GALNT17: variants seen among roughly 807,000 people sequenced by gnomAD.
The protein encoded by GALNT17 is UDP-GalNAc:polypeptide N-acetylgalactosaminyltransferase-like 3.
Under a neutral mutation model 63.7 loss-of-function variants are expected in GALNT17, and 29 were observed. The observed-to-expected ratio is 0.46, with a 90% confidence interval of 0.34 to 0.62. The LOEUF (loss-of-function observed/expected upper bound fraction) is 0.62, where lower values mean the gene tolerates loss of function less well. GALNT17 is among the 20% of genes least tolerant of loss of function. GALNT17 has a pLI of 0.01. For synonymous variants in GALNT17, 305 were observed against 318.3 expected (o/e 0.96, Z 0.45); for missense variants, 603 against 799.6 (o/e 0.75, Z 2.97).
At chr7:71,323,951 T>C (rs533084868) in intron 1 of GALNT17, among the ~76,000 whole-genome samples, 1 of 152,290 alleles carries the variant, frequency 6.6e-6, no homozygotes, top group Admixed American at 6.5e-5. Flanking sequence ...TTCACCAGCC[T>C]CTGACTTTCT....
chr7:71,689,863 G>A (rs1791415163), intron 9 of GALNT17, among the ~76,000 whole-genome samples: 1 of 152,172 alleles, frequency 6.6e-6, no homozygotes, highest in Non-Finnish European at 1.5e-5. Flanking sequence ...GGCGAATGCA[G>A]CTGGTGACTT....
chr7:71,669,946 A>G (rs757210949), intron 7 of GALNT17, 26 bp from the exon 8 acceptor site: 2 of 1,613,328 alleles, frequency 1.2e-6, no homozygotes, highest in Admixed American at 1.7e-5. Context: ...AGTCACTAAC[A>G]CCCCTTGGCT....
intron 9 of GALNT17, among the ~76,000 whole-genome samples, chr7:71,709,389 G>T (rs193094732): frequency 2.6e-5 from 4 of 151,982 alleles, no homozygotes; most frequent in African/African-American, 9.7e-5. Context: ...TGTCCTTTGC[G>T]CATAAAAGTG....
intron 1 of GALNT17, among the ~76,000 whole-genome samples, chr7:71,262,670 T>C (rs1790406785): frequency 6.6e-6 from 1 of 150,866 alleles, no homozygotes; most frequent in Admixed American, 6.6e-5. Context: ...TGTCCTTTTT[T>C]TTTACTTTCT....
At chr7:71,519,283 A>G (rs1267951199) in intron 5 of GALNT17, among the ~76,000 whole-genome samples, 1 of 152,242 alleles carries the variant, frequency 6.6e-6, no homozygotes, top group Non-Finnish European at 1.5e-5. Flanking sequence ...GGAAGTCAGC[A>G]GCAGTATTCA....
chr7:71,231,749 G>GGA (rs371282510), intron 1 of GALNT17, among the ~76,000 whole-genome samples: 3 of 145,564 alleles, frequency 2.1e-5, no homozygotes, highest in Non-Finnish European at 4.5e-5. Flanking sequence ...GGAGGGAGAG[G>GGA]GAGAGAGAGA....
chr7:71,593,896 A>G (rs967189262), intron 6 of GALNT17, among the ~76,000 whole-genome samples: 1 of 152,152 alleles, frequency 6.6e-6, no homozygotes, highest in Non-Finnish European at 1.5e-5. Flanking sequence ...TTCTTTTTCT[A>G]AACTTTCTGG....
At chr7:71,482,081 A>ATGTGTGTGTGTGTGTGTGTGTG (rs10678512) in intron 5 of GALNT17, among the ~76,000 whole-genome samples, 3,755 of 138,012 alleles carry the variant, frequency 0.027, 82 homozygotes, top group East Asian at 0.093. Flanking sequence ...ATATATGTAT[A>ATGTGTGTGTGTGTGTGTGTGTG]TGTGTGTGTG....
At chr7:71,567,112 A>C (rs756428378) in intron 5 of GALNT17, among the ~76,000 whole-genome samples, 1 of 152,280 alleles carries the variant, frequency 6.6e-6, no homozygotes, top group Non-Finnish European at 1.5e-5. Flanking sequence ...GCTTGGGATC[A>C]GTGCTCATTT....
chr7:71,329,522 G>C (rs892924447), intron 1 of GALNT17, among the ~76,000 whole-genome samples: 1 of 152,036 alleles, frequency 6.6e-6, no homozygotes, highest in Admixed American at 6.6e-5. Context: ...TGTAATTTAT[G>C]ACGAAAAGAG....
intron 5 of GALNT17, among the ~76,000 whole-genome samples, chr7:71,486,587 T>G (rs903671187): frequency 2.6e-5 from 4 of 151,258 alleles, no homozygotes; most frequent in African/African-American, 9.7e-5. Flanking sequence ...ACCAAGGTAC[T>G]CAGGCCAGGC....
chr7:71,480,107 A>G (rs1787789426), intron 5 of GALNT17, among the ~76,000 whole-genome samples: 1 of 151,198 alleles, frequency 6.6e-6, no homozygotes, highest in Non-Finnish European at 1.5e-5. Flanking sequence ...GGTCCATAGT[A>G]ACAGTCACGG....
At chr7:71,596,246 G>C (rs1211136561) in intron 6 of GALNT17, among the ~76,000 whole-genome samples, 1 of 152,026 alleles carries the variant, frequency 6.6e-6, no homozygotes, top group Non-Finnish European at 1.5e-5. Context: ...CACCATGTTG[G>C]CCAGGCTGGT....
intron 8 of GALNT17, among the ~76,000 whole-genome samples, chr7:71,675,258 C>T (rs932472513): frequency 1.3e-5 from 2 of 152,140 alleles, no homozygotes; most frequent in Non-Finnish European, 2.9e-5. Context: ...CCGTGGACTA[C>T]TTTAGGGCAG....
At chr7:71,278,532 T>G (rs1438382638) in intron 1 of GALNT17, among the ~76,000 whole-genome samples, 1 of 152,240 alleles carries the variant, frequency 6.6e-6, no homozygotes, top group Non-Finnish European at 1.5e-5. Flanking sequence ...TAATATGTTC[T>G]CAGGCTGCTA....
chr7:71,584,427 T>C (rs1562700591), intron 6 of GALNT17, among the ~76,000 whole-genome samples: 1 of 152,168 alleles, frequency 6.6e-6, no homozygotes, highest in Non-Finnish European at 1.5e-5. Flanking sequence ...AATATTAACA[T>C]TTTGCTGTTT....
intron 2 of GALNT17, among the ~76,000 whole-genome samples, chr7:71,336,074 C>T (rs1238019004): frequency 5.1e-4 from 65 of 128,032 alleles, no homozygotes; most frequent in African/African-American, 1.4e-3. Flanking sequence ...GACAGAGTGT[C>T]GCTCTTGTTG....
At chr7:71,351,131 A>G (rs558704114) in intron 2 of GALNT17, among the ~76,000 whole-genome samples, 1 of 148,148 alleles carries the variant, frequency 6.8e-6, no homozygotes, top group South Asian at 2.4e-4. Context: ...ACAAGAGAGA[A>G]ACTGCATCTC....
At chr7:71,136,994 C>T (rs1787795507) in intron 1 of GALNT17, among the ~76,000 whole-genome samples, 1 of 151,684 alleles carries the variant, frequency 6.6e-6, no homozygotes, top group Admixed American at 6.6e-5. Flanking sequence ...GCCATGTTGC[C>T]AGGGCTGGTT....
Sources: allele counts gnomAD v4.1 joint callset (sites outside exome capture counted in the v4.1 genomes callset), GRCh38; gene constraint gnomAD v4.1.1; transcripts MANE v1.5; gene names NCBI Gene and HGNC (gene_info 2026-07-23, HGNC 2026-07-21).